The following LIPI variants were observed in gnomAD, a reference collection of about 807,000 sequenced individuals.
LIPI encodes lipase member I.
A neutral mutation model predicts 50.6 loss-of-function variants in LIPI; 59 were observed. The observed-to-expected ratio is 1.16, with a 90% CI of 0.94 to 1.45. The LOEUF (loss-of-function observed/expected upper bound fraction) is 1.45, where lower values mean the gene tolerates loss of function less well. Ranked by LOEUF, LIPI falls within the 40% of genes most tolerant of loss-of-function variation. The pLI is 0.00. For missense variants in LIPI, 586 were observed against 536.3 expected (o/e 1.09, Z -0.92); for synonymous variants, 203 against 178.2 (o/e 1.14, Z -1.11).
intron 4 of LIPI, among the ~76,000 whole-genome samples, 200 bp from the exon 5 acceptor site, chr21:14,166,651 C>T (rs1023412807): frequency 2.6e-5 from 4 of 152,066 alleles, no homozygotes; most frequent in Non-Finnish European, 4.4e-5. Flanking sequence ...ATATATTTGC[C>T]AGTCAGCAGT....
At chr21:14,129,886 T>C (rs759923833) in intron 9 of LIPI, among the ~76,000 whole-genome samples, 1 of 151,302 alleles carries the variant, frequency 6.6e-6, no homozygotes, top group Non-Finnish European at 1.5e-5. Flanking sequence ...TCACACAACA[T>C]AGAAAAACAT....
chr21:14,145,484 T>C (rs562220928), intron 8 of LIPI, among the ~76,000 whole-genome samples: 1 of 152,204 alleles, frequency 6.6e-6, no homozygotes, highest in African/African-American at 2.4e-5. Context: ...CTGGAGTCAT[T>C]TATCTCAACC....
At chr21:14,204,617 G>A (rs2020174479) in intron 1 of LIPI, among the ~76,000 whole-genome samples, 1 of 151,934 alleles carries the variant, frequency 6.6e-6, no homozygotes, top group South Asian at 2.1e-4. Flanking sequence ...AAAGAGGCCT[G>A]TGAAACAGAA....
chr21:14,181,064 G>A lies in LIPI; in HGVS notation c.643+694C>T, dbSNP rs532697735. On this transcript the variant is annotated intron_variant, in intron 4 of 9. Transcript: ENST00000681601. ...TAGTTTCCTCAACTGTAAAGGGAAT[G>A]ACAGTTGTTATCTATCTAACGGAAA... 4.6e-5 allele frequency among the ~76,000 whole-genome samples: 7 copies of A among 152,268 alleles called. No individual in the cohort carries two copies. The South Asian group carries it at 1.5e-3, about 32-fold the overall frequency.
chr21:14,153,906 T>C (rs1350742663), intron 7 of LIPI, among the ~76,000 whole-genome samples: 1 of 152,122 alleles, frequency 6.6e-6, no homozygotes, highest in Non-Finnish European at 1.5e-5. Context: ...CCAGAAAACA[T>C]GAAATTTAAG....
At chr21:14,116,102 G>A (rs1600825026) in intron 9 of LIPI, among the ~76,000 whole-genome samples, 1 of 152,104 alleles carries the variant, frequency 6.6e-6, no homozygotes, top group Non-Finnish European at 1.5e-5. Context: ...GGAGTGGTGT[G>A]TGTATGTGTG....
chr21:14,137,051 C>T (rs993462303), intron 9 of LIPI, among the ~76,000 whole-genome samples: 1 of 152,118 alleles, frequency 6.6e-6, no homozygotes, highest in Non-Finnish European at 1.5e-5. Context: ...CAGCTTAGAT[C>T]ACAACACTCA....
At chr21:14,207,025 A>T (rs1314021969) in intron 1 of LIPI, 1 of 815,150 alleles carries the variant, frequency 1.2e-6, no homozygotes, top group Non-Finnish European at 2.1e-6. Context: ...GAAACAATTG[A>T]CCCACTTTAT....
At position 14,150,198 on chromosome 21, in the gene LIPI, T is replaced by C. The variant is rs1458216917; in HGVS notation, c.1118+2375A>G. Among the ~76,000 whole-genome samples the C allele has an allele frequency of 2.6e-5, 4 of 152,288 alleles. No homozygotes were observed. In the South Asian group the frequency reaches 6.2e-4, roughly 24 times the overall value. The stretch of plus-strand genomic sequence containing the variant: ...CAACCTACAGAACCAACAAGAATAG[T>C]ATGGGGGAAACCACTCCCATGATTC... On this transcript the variant is annotated intron_variant, in intron 8 of 9. Transcript: ENST00000681601.
At chr21:14,169,130 T>C (rs1026516446) in intron 4 of LIPI, among the ~76,000 whole-genome samples, 6 of 152,148 alleles carry the variant, frequency 3.9e-5, no homozygotes, top group Admixed American at 3.9e-4. Context: ...CATTACATAA[T>C]GGTAAAGGGA....
chr21:14,116,457 G>T (rs1035273254), intron 9 of LIPI, among the ~76,000 whole-genome samples: 3 of 152,150 alleles, frequency 2.0e-5, no homozygotes, highest in East Asian at 1.9e-4. Flanking sequence ...GTGAAAGTGT[G>T]CTGTGAGGGA....
chr21:14,113,568 T>C (rs1366688325), intron 9 of LIPI, among the ~76,000 whole-genome samples: 2 of 152,178 alleles, frequency 1.3e-5, no homozygotes, highest in African/African-American at 4.8e-5. Context: ...TATTAGATCT[T>C]ACTTCAAGTA....
intron 9 of LIPI, among the ~76,000 whole-genome samples, chr21:14,123,247 T>C (rs2016931469): frequency 1.3e-5 from 2 of 152,228 alleles, no homozygotes; most frequent in Non-Finnish European, 2.9e-5. Context: ...ATCAGCAATA[T>C]TTTGAAGAGT....
chr21:14,147,275 C>T (rs2123072953), intron 8 of LIPI, among the ~76,000 whole-genome samples: 1 of 152,224 alleles, frequency 6.6e-6, no homozygotes, highest in South Asian at 2.1e-4. Context: ...TTGACATCCC[C>T]TATTTTAATT....
chr21:14,119,624 A>T (rs1430430764), intron 9 of LIPI, among the ~76,000 whole-genome samples: 1 of 152,182 alleles, frequency 6.6e-6, no homozygotes, highest in Non-Finnish European at 1.5e-5. Context: ...AAAGAACAGG[A>T]TATGGCTTTC....
intron 1 of LIPI, among the ~76,000 whole-genome samples, chr21:14,197,838 A>G (rs1054326646): frequency 6.6e-6 from 1 of 150,958 alleles, no homozygotes; most frequent in African/African-American, 2.4e-5. Context: ...CAAGGTTGAA[A>G]TGAAAAAAAA....
chr21:14,163,637 G>T, intron 6 of LIPI, 114 bp from the exon 7 acceptor site: 1 of 658,288 alleles, frequency 1.5e-6, no homozygotes, highest in Non-Finnish European at 2.8e-6. Context: ...TGATCATCAT[G>T]GATTTTGATA....
intron 4 of LIPI, among the ~76,000 whole-genome samples, chr21:14,172,936 G>A (rs1449057160): frequency 6.6e-6 from 1 of 152,086 alleles, no homozygotes; most frequent in Non-Finnish European, 1.5e-5. Context: ...ACTTTATAGT[G>A]GAAGGAAACC....
At chr21:14,182,053 C>A (rs1048556423) in intron 3 of LIPI, among the ~76,000 whole-genome samples, 194 bp from the exon 4 acceptor site, 1 of 152,138 alleles carries the variant, frequency 6.6e-6, no homozygotes, top group African/African-American at 2.4e-5. Context: ...ATACTACTAA[C>A]CTTCAGAGCT....
Sources: gnomAD v4.1 joint callset for allele counts (sites outside exome capture counted in the v4.1 genomes callset) on GRCh38, gnomAD v4.1.1 for gene constraint, MANE v1.5 for transcripts, NCBI Gene and HGNC (gene_info 2026-07-23, HGNC 2026-07-21) for gene names.